Variants in NEK11 observed in about 807,000 individuals in gnomAD.
NEK11 encodes the protein serine/threonine-protein kinase Nek11.
A neutral mutation model predicts 80.7 loss-of-function variants in NEK11; 72 were observed. The observed-to-expected ratio is 0.89, with a 90% CI of 0.74 to 1.08. The LOEUF (loss-of-function observed/expected upper bound fraction) is 1.08, where lower values mean the gene tolerates loss of function less well. Ranked by LOEUF, NEK11 falls within the 50% of genes least tolerant of loss-of-function variation. The pLI, the probability that NEK11 is intolerant of heterozygous loss-of-function variation, is 0.00. For missense variants in NEK11, 764 were observed against 763.6 expected (o/e 1.00, Z -0.01); for synonymous variants, 251 against 260.7 (o/e 0.96, Z 0.36).
chr3:131,334,569 A>AAC, intron 17 of NEK11, among the ~76,000 whole-genome samples: 1 of 151,168 alleles, frequency 6.6e-6, no homozygotes, highest in Non-Finnish European at 1.5e-5. Context: ...TAGAAAAGCA[A>AAC]GAGCAAACAC....
chr3:131,101,311 C>T (rs866913986), intron 4 of NEK11, among the ~76,000 whole-genome samples: 47 of 151,992 alleles, frequency 3.1e-4, no homozygotes, highest in African/African-American at 1.1e-3. Flanking sequence ...AGTTCCTTTA[C>T]GTCCAAAGTT....
At chr3:131,096,173 A>T (rs997926170) in intron 4 of NEK11, among the ~76,000 whole-genome samples, 3 of 151,746 alleles carry the variant, frequency 2.0e-5, no homozygotes, top group Non-Finnish European at 4.4e-5. Flanking sequence ...TTCAACTCAC[A>T]TCCCCCTTCC....
At chr3:131,179,756 C>T (rs1423071669) in intron 14 of NEK11, among the ~76,000 whole-genome samples, 1 of 152,108 alleles carries the variant, frequency 6.6e-6, no homozygotes, top group Non-Finnish European at 1.5e-5. Flanking sequence ...CACATTTGAA[C>T]ACCTCTGAAA....
At chr3:131,121,823 A>C (rs1560509811) in intron 5 of NEK11, among the ~76,000 whole-genome samples, 1 of 152,164 alleles carries the variant, frequency 6.6e-6, no homozygotes, top group Non-Finnish European at 1.5e-5. Flanking sequence ...CCATTTGCTA[A>C]GACCATTGGA....
chr3:131,260,040 A>G (rs1271299126), intron 16 of NEK11, among the ~76,000 whole-genome samples: 3 of 152,186 alleles, frequency 2.0e-5, no homozygotes, highest in Non-Finnish European at 2.9e-5. Flanking sequence ...GCCTCTCAGC[A>G]GAGTAGAGCA....
At chr3:131,175,213 A>G (rs1057289005) in intron 14 of NEK11, 2 of 722,512 alleles carry the variant, frequency 2.8e-6, no homozygotes, top group Non-Finnish European at 3.4e-6. Context: ...TTAGATAGTT[A>G]TCTGAAAGAA....
intron 4 of NEK11, among the ~76,000 whole-genome samples, chr3:131,081,144 G>T (rs2075208499): frequency 6.6e-6 from 1 of 152,088 alleles, no homozygotes; most frequent in African/African-American, 2.4e-5. Flanking sequence ...AGAAATTACT[G>T]CAGAAGAATG....
intron 15 of NEK11, among the ~76,000 whole-genome samples, chr3:131,242,585 T>G (rs368753046): frequency 1.6e-4 from 25 of 152,290 alleles, no homozygotes; most frequent in Non-Finnish European, 1.8e-4. Context: ...GCCCGGCTGA[T>G]TTTTGTATTT....
intron 14 of NEK11, among the ~76,000 whole-genome samples, chr3:131,186,322 A>C (rs908057085): frequency 1.3e-5 from 2 of 152,182 alleles, no homozygotes; most frequent in Non-Finnish European, 2.9e-5. Flanking sequence ...ATATCAAATG[A>C]TGGTCTTAAT....
intron 3 of NEK11, among the ~76,000 whole-genome samples, chr3:131,052,874 G>A (rs2068675727): frequency 6.6e-6 from 1 of 152,038 alleles, no homozygotes; most frequent in African/African-American, 2.4e-5. Flanking sequence ...AAAACACTGG[G>A]TTCCACAACA....
chr3:131,274,236 A>G (rs889449085), intron 17 of NEK11, among the ~76,000 whole-genome samples: 1 of 149,260 alleles, frequency 6.7e-6, no homozygotes, highest in Non-Finnish European at 1.5e-5. Context: ...GCGATAGTTT[A>G]CTGAGAATGA....
chr3:131,295,673 A>C (rs1336791664), intron 17 of NEK11, among the ~76,000 whole-genome samples: 2 of 152,114 alleles, frequency 1.3e-5, no homozygotes, highest in African/African-American at 4.8e-5. Flanking sequence ...TATATTATGG[A>C]TACACCATCT....
At chr3:131,051,153 AT>A (rs1265022472) in intron 3 of NEK11, among the ~76,000 whole-genome samples, 1 of 152,264 alleles carries the variant, frequency 6.6e-6, no homozygotes, top group East Asian at 1.9e-4. Context: ...GTTTTAAAAA[AT>A]ATTTTGAAAA....
At chr3:131,259,835 G>C (rs1044145138) in intron 16 of NEK11, among the ~76,000 whole-genome samples, 6 of 152,170 alleles carry the variant, frequency 3.9e-5, no homozygotes, top group African/African-American at 1.4e-4. Flanking sequence ...CCCAACAGCT[G>C]GGGTAGCAAG....
chr3:131,301,958 G>A (rs1371892264), intron 17 of NEK11, among the ~76,000 whole-genome samples: 1 of 152,090 alleles, frequency 6.6e-6, no homozygotes, highest in African/African-American at 2.4e-5. Flanking sequence ...ACATCTGGAA[G>A]AATTCAGCTG....
chr3:131,102,488 G>A (rs572520594), intron 4 of NEK11, among the ~76,000 whole-genome samples: 2 of 152,294 alleles, frequency 1.3e-5, no homozygotes, highest in East Asian at 3.9e-4. Context: ...TTATTTAAGA[G>A]TGCTGAAAAT....
At chr3:131,290,159 C>G (rs1183047729) in intron 17 of NEK11, among the ~76,000 whole-genome samples, 1 of 152,182 alleles carries the variant, frequency 6.6e-6, no homozygotes, top group Non-Finnish European at 1.5e-5. Context: ...CTCTGTTTTG[C>G]ACTGTTAATT....
rs112126193 is a variant in NEK11 at position 131,252,181 on chromosome 3, T to C, written c.1621+8685T>C. On this transcript the variant is annotated intron_variant, in intron 16 of 17. Coordinates refer to ENST00000383366, the MANE Select transcript of NEK11 (RefSeq NM_024800.5). ...GATCCGGGGACAATTTAAGCTTAAG[T>C]ATGTCAGAGTATAAGCTTTTTCACT... Among the ~76,000 whole-genome samples, 366 of 152,242 alleles carry C rather than the reference T, an allele frequency of 2.4e-3. 2 individuals carry two copies. The highest frequency in any genetic ancestry group is 4.1e-3 in the Non-Finnish European group (281 of 67,986).
At chr3:131,137,661 T>G (rs1466140324) in intron 7 of NEK11, among the ~76,000 whole-genome samples, 1 of 152,142 alleles carries the variant, frequency 6.6e-6, no homozygotes, top group Non-Finnish European at 1.5e-5. Flanking sequence ...TAATATATTT[T>G]TTTCAATGAC....
Sources: allele counts gnomAD v4.1 joint callset (sites outside exome capture counted in the v4.1 genomes callset), GRCh38; gene constraint gnomAD v4.1.1; transcripts MANE v1.5; gene names NCBI Gene and HGNC (gene_info 2026-07-23, HGNC 2026-07-21).